The following USP12 variants were observed in gnomAD, a reference collection of about 807,000 sequenced individuals.
USP12 encodes ubiquitin specific peptidase 12, also known as ubiquitin carboxyl-terminal hydrolase 12.
A neutral mutation model predicts 45.5 loss-of-function variants in USP12; 19 were observed. That is an observed-to-expected ratio of 0.42 (90% CI 0.29 to 0.61). The LOEUF (loss-of-function observed/expected upper bound fraction) is 0.61, where lower values mean the gene tolerates loss of function less well. USP12 is among the 20% of genes least tolerant of loss of function. USP12 has a pLI of 0.22. For missense variants in USP12, 242 were observed against 447.7 expected, an observed-to-expected ratio of 0.54 and a Z score of 4.15; for synonymous variants, 149 against 148.8, an observed-to-expected ratio of 1.00 and a Z score of -0.01.
Position 27,129,216 on chromosome 13 carries a change from A to C in USP12, c.49-12620T>G, listed in dbSNP as rs1441538012. On this transcript the variant is annotated intron_variant, in intron 1 of 8. Coordinates refer to ENST00000282344, the MANE Select transcript of USP12 (RefSeq NM_182488.4). This position sits in a 1 kb window ranked among gnomAD's most constrained non-coding sequence, Gnocchi z 4.0. The stretch of plus-strand genomic sequence containing the variant: ...ACTGAGACAACAGGAATATTATATT[A>C]AACCACAGTTAAGTGGAAAGAACAA... Among the ~76,000 whole-genome samples, 1 of 138,720 alleles carries C rather than the reference A, an allele frequency of 7.2e-6. No individual in the cohort carries two copies. The highest frequency in any genetic ancestry group is 1.6e-5 in the Non-Finnish European group (1 of 63,160). The allele number at this position is 138,720 out of a possible 152,430, so 91.0% of individuals were successfully genotyped here.
chr13:27,110,146 A>AAAAG (rs1875365741), intron 2 of USP12, among the ~76,000 whole-genome samples: 3 of 150,392 alleles, frequency 2.0e-5, no homozygotes, highest in Non-Finnish European at 4.4e-5. Context: ...AAAAAAAAAA[A>AAAAG]GGATAAGTGG....
intron 6 of USP12, chr13:27,077,090 T>C (rs1161426866): frequency 6.6e-6 from 1 of 152,188 alleles, no homozygotes; most frequent in Non-Finnish European, 1.5e-5. Context: ...AAATTAGAAT[T>C]CAAACATAAC....
At chr13:27,082,601 A>G (rs1237808364) in intron 6 of USP12, among the ~76,000 whole-genome samples, 6 of 152,208 alleles carry the variant, frequency 3.9e-5, no homozygotes, top group Non-Finnish European at 7.3e-5. Context: ...CTTTCAGCCT[A>G]TCTTGGCTTT....
At chr13:27,137,172 A>G (rs980091916) in intron 1 of USP12, among the ~76,000 whole-genome samples, 7 of 152,148 alleles carry the variant, frequency 4.6e-5, no homozygotes, top group African/African-American at 1.7e-4. Flanking sequence ...TATTCCCTCA[A>G]TTCCTTCATT....
chr13:27,145,147 C>T (rs1877255663), intron 1 of USP12, among the ~76,000 whole-genome samples: 1 of 152,182 alleles, frequency 6.6e-6, no homozygotes, highest in Non-Finnish European at 1.5e-5. Context: ...TGAACCTCCT[C>T]CTTTCCTTCC....
chr13:27,131,560 T>C (rs9512551), intron 1 of USP12, among the ~76,000 whole-genome samples: 1 of 152,106 alleles, frequency 6.6e-6, no homozygotes, highest in Non-Finnish European at 1.5e-5. Flanking sequence ...TCAAGTACAC[T>C]TGGTTTTGAA....
At chr13:27,153,115 T>C (rs547763395) in intron 1 of USP12, among the ~76,000 whole-genome samples, 1 of 152,178 alleles carries the variant, frequency 6.6e-6, no homozygotes, top group African/African-American at 2.4e-5. Flanking sequence ...GCTGATCACC[T>C]AAGGTCAGGA....
At chr13:27,143,565 C>T (rs920881231) in intron 1 of USP12, among the ~76,000 whole-genome samples, 2 of 152,130 alleles carry the variant, frequency 1.3e-5, no homozygotes, top group African/African-American at 4.8e-5. Context: ...TGGTCAACTG[C>T]CAAATCCCTC....
intron 1 of USP12, among the ~76,000 whole-genome samples, chr13:27,144,001 C>T (rs555537288): frequency 1.1e-4 from 16 of 152,200 alleles, no homozygotes; most frequent in East Asian, 3.9e-4. Flanking sequence ...GTCAGGAGTT[C>T]GAGACCAGCC....
rs530338441 is a variant in USP12, at chr13:27,170,002, T to C, written c.48+1590A>G. On this transcript the variant is annotated intron_variant, in intron 1 of 8. Coordinates refer to ENST00000282344, the MANE Select transcript of USP12 (RefSeq NM_182488.4). ...TGTGTAGCTCAGCCATGTGGCAAAATTGTCACTGTAAAAGACCTAATTATC... is the reference window on the plus strand; with the variant it reads ...TGTGTAGCTCAGCCATGTGGCAAAACTGTCACTGTAAAAGACCTAATTATC... 7.1e-4 allele frequency: 176 copies of C among 246,458 alleles called. No homozygotes were observed. The Middle Eastern group carries it at 7.3e-3, about 10-fold the overall frequency. The allele number at this position is 246,458 out of a possible 1,614,324, so 15.3% of individuals were successfully genotyped here. A position where few individuals can be genotyped will look rare whatever the true frequency, so the allele number is the denominator to read the frequency against.
intron 1 of USP12, among the ~76,000 whole-genome samples, chr13:27,161,487 G>A (rs1390619387): frequency 1.3e-5 from 2 of 151,914 alleles, no homozygotes; most frequent in Non-Finnish European, 1.5e-5. Context: ...GAAAAACCCA[G>A]GTAGACCAAT....
chr13:27,129,526 GA>G lies in USP12; in HGVS notation c.49-12931del, dbSNP rs958706675. 6.6e-6 allele frequency among the ~76,000 whole-genome samples: 1 copy of G among 152,144 alleles called. No homozygotes were observed. The highest frequency in any genetic ancestry group is 2.4e-5 in the African/African-American group (1 of 41,422). The stretch of plus-strand genomic sequence containing the variant: ...ACTGCTTAAGGCCCGGAGTTCTAGA[GA>G]AGGCTGGGCAACATAGCAAGACTCT... On this transcript the variant is annotated intron_variant, in intron 1 of 8. Coordinates refer to ENST00000282344, the MANE Select transcript of USP12 (RefSeq NM_182488.4). The surrounding 1 kb of genome is among the most constrained non-coding windows in gnomAD (Gnocchi z 4.0).
intron 1 of USP12, among the ~76,000 whole-genome samples, chr13:27,124,703 C>T (rs1389428486): frequency 2.6e-5 from 4 of 152,188 alleles, no homozygotes; most frequent in Middle Eastern, 3.4e-3. Flanking sequence ...GCCCATGTGA[C>T]GGTGTGAAGG....
intron 7 of USP12, among the ~76,000 whole-genome samples, chr13:27,072,462 T>A (rs9901): frequency 0.4 from 60,071 of 151,870 alleles, 12,233 homozygotes; most frequent in South Asian, 0.6. Flanking sequence ...CCTAAGGAAG[T>A]TGTTTCTTAG....
intron 1 of USP12, among the ~76,000 whole-genome samples, chr13:27,117,343 A>G (rs1310952456): frequency 6.6e-6 from 1 of 152,318 alleles, no homozygotes; most frequent in East Asian, 1.9e-4. Context: ...ATAAATATGC[A>G]CATGCTCAGT....
chr13:27,087,294 C>T (rs1347716509), intron 6 of USP12, among the ~76,000 whole-genome samples: 3 of 130,604 alleles, frequency 2.3e-5, no homozygotes, highest in Non-Finnish European at 4.9e-5. Flanking sequence ...CGCGCACGCT[C>T]GTGTGCATGC....
intron 1 of USP12, among the ~76,000 whole-genome samples, chr13:27,133,235 CCA>C (rs1876595845): frequency 1.3e-5 from 2 of 151,798 alleles, no homozygotes; most frequent in South Asian, 4.2e-4. Flanking sequence ...ACCACACTCA[CCA>C]CACTCACATG....
At chr13:27,121,328 G>A (rs1300024603) in intron 1 of USP12, among the ~76,000 whole-genome samples, 1 of 149,332 alleles carries the variant, frequency 6.7e-6, no homozygotes, top group Non-Finnish European at 1.5e-5. Context: ...AAAAACCTCA[G>A]TAGAGAATTC....
intron 1 of USP12, among the ~76,000 whole-genome samples, chr13:27,141,902 G>C (rs1877077456): frequency 1.3e-5 from 2 of 152,168 alleles, no homozygotes; most frequent in South Asian, 4.1e-4. Context: ...CACTGAAAGA[G>C]GCTGGGCGTG....
Sources: gnomAD v4.1 joint callset for allele counts (sites outside exome capture counted in the v4.1 genomes callset) on GRCh38, gnomAD v4.1.1 for gene constraint, Gnocchi (gnomAD v3.1) non-coding constraint, MANE v1.5 for transcripts, NCBI Gene and HGNC (gene_info 2026-07-23, HGNC 2026-07-21) for gene names.